The following CRPPA variants were observed in gnomAD, a reference collection of about 807,000 sequenced individuals.
CRPPA encodes CDP-L-ribitol pyrophosphorylase A, also known as D-ribitol-5-phosphate cytidylyltransferase.
Under a neutral mutation model 52.0 loss-of-function variants are expected in CRPPA, and 43 were observed. That is an observed-to-expected ratio of 0.83 (90% CI 0.65 to 1.07). The LOEUF is 1.07. Among genes scored for constraint, CRPPA ranks in the 50% least tolerant of loss-of-function variants. CRPPA has a pLI of 0.00. For synonymous variants in CRPPA, 250 were observed against 203.5 expected, an observed-to-expected ratio of 1.23 and a Z score of -1.94; for missense variants, 629 against 551.7, an observed-to-expected ratio of 1.14 and a Z score of -1.40.
At chr7:16,397,278 G>A (rs533068502) in intron 2 of CRPPA, among the ~76,000 whole-genome samples, 3 of 152,286 alleles carry the variant, frequency 2.0e-5, no homozygotes, top group African/African-American at 7.2e-5. Flanking sequence ...ACATGAGGGT[G>A]ACACAATTGT....
intron 3 of CRPPA, among the ~76,000 whole-genome samples, chr7:16,365,918 G>A (rs929069659): frequency 2.0e-5 from 3 of 152,120 alleles, no homozygotes; most frequent in African/African-American, 7.2e-5. Flanking sequence ...ACACCCAGAA[G>A]ACAGTGGACA....
At chr7:16,116,649 AGACTCGGTCG>A (rs1782377826) in intron 9 of CRPPA, among the ~76,000 whole-genome samples, 2 of 149,232 alleles carry the variant, frequency 1.3e-5, no homozygotes, top group Non-Finnish European at 3.0e-5. Flanking sequence ...CAATACAGCG[AGACTCGGTCG>A]AAAAAAAAAA....
chr7:16,241,971 T>TTTTG (rs1783123848), intron 8 of CRPPA, among the ~76,000 whole-genome samples: 5 of 86,158 alleles, frequency 5.8e-5, no homozygotes, highest in Non-Finnish European at 7.5e-5. Context: ...TTTTTTTTGT[T>TTTTG]GGGGGGAGAT....
intron 3 of CRPPA, among the ~76,000 whole-genome samples, chr7:16,345,821 G>A (rs1786000336): frequency 6.6e-6 from 1 of 152,082 alleles, no homozygotes; most frequent in Non-Finnish European, 1.5e-5. Context: ...TAAAAGTATA[G>A]AAATCTGCTG....
chr7:16,374,329 C>T lies in CRPPA; in HGVS notation c.684+1763G>A, dbSNP rs73306457. Among the ~76,000 whole-genome samples the T allele has an allele frequency of 2.9e-3, 442 of 152,266 alleles. 1 individual carries two copies. Among genetic ancestry groups the T allele is most frequent in the African/African-American group, 0.01 (427 of 41,548 alleles). ...CTTGGACATCAGACAACAGGCTCTT[C>T]AGCCTTTGAAGGCTGCACTCTCAAC... On this transcript the variant is annotated intron_variant, in intron 3 of 9. Transcript: ENST00000407010.
chr7:16,150,987 T>C (rs1386270225), intron 9 of CRPPA, among the ~76,000 whole-genome samples: 2 of 152,228 alleles, frequency 1.3e-5, no homozygotes, highest in South Asian at 4.1e-4. Context: ...CTCCCAATGC[T>C]GTTGCATTGA....
intron 8 of CRPPA, among the ~76,000 whole-genome samples, chr7:16,241,163 A>T (rs115432940): frequency 7.0e-4 from 107 of 152,278 alleles, no homozygotes; most frequent in Non-Finnish European, 1.4e-3. Context: ...ATGTGAAAAT[A>T]TCAAGTGTAA....
intron 8 of CRPPA, among the ~76,000 whole-genome samples, chr7:16,227,230 T>G (rs1782675467): frequency 6.6e-6 from 1 of 151,968 alleles, no homozygotes; most frequent in Non-Finnish European, 1.5e-5. Flanking sequence ...AATAATGATT[T>G]CATTTCCTTT....
intron 5 of CRPPA, among the ~76,000 whole-genome samples, chr7:16,285,115 T>G (rs2128419308): frequency 6.6e-6 from 1 of 152,206 alleles, no homozygotes; most frequent in South Asian, 2.1e-4. Context: ...GTTAATGAAA[T>G]CAAAACAAAA....
At chr7:16,202,203 G>A (rs1781875872) in intron 9 of CRPPA, among the ~76,000 whole-genome samples, 1 of 152,106 alleles carries the variant, frequency 6.6e-6, no homozygotes, top group Non-Finnish European at 1.5e-5. Flanking sequence ...TTGTACTCAT[G>A]TTTATGAATG....
At chr7:16,187,893 T>C (rs982513571) in intron 9 of CRPPA, among the ~76,000 whole-genome samples, 9 of 151,924 alleles carry the variant, frequency 5.9e-5, no homozygotes, top group Non-Finnish European at 8.8e-5. Flanking sequence ...AAACAGAGAA[T>C]TACATTGATG....
chr7:16,198,657 C>T (rs967061880), intron 9 of CRPPA, among the ~76,000 whole-genome samples: 2 of 148,780 alleles, frequency 1.3e-5, no homozygotes, highest in Non-Finnish European at 2.9e-5. Context: ...ACGAGAAACA[C>T]CCACAGGTGT....
At chr7:16,106,449 A>G (rs547188123) in intron 9 of CRPPA, among the ~76,000 whole-genome samples, 39 of 152,310 alleles carry the variant, frequency 2.6e-4, no homozygotes, top group African/African-American at 8.4e-4. Context: ...TACAGTATCC[A>G]GCCAGAAACT....
At chr7:16,244,800 C>A (rs1032273752) in intron 8 of CRPPA, among the ~76,000 whole-genome samples, 1 of 152,120 alleles carries the variant, frequency 6.6e-6, no homozygotes, top group South Asian at 2.1e-4. Flanking sequence ...AGAAAAAGAA[C>A]CGTTGTAAAC....
intron 9 of CRPPA, among the ~76,000 whole-genome samples, chr7:16,125,258 A>G (rs973922259): frequency 5.4e-5 from 1 of 18,356 alleles, no homozygotes; most frequent in Non-Finnish European, 2.3e-4. Context: ...AGACTGTCTC[A>G]AAAAAAAAAA....
intron 9 of CRPPA, among the ~76,000 whole-genome samples, chr7:16,094,952 C>A (rs1781907974): frequency 2.0e-5 from 3 of 152,190 alleles, no homozygotes; most frequent in Admixed American, 2.0e-4. Flanking sequence ...CAGAAAAACA[C>A]ATTAGGTAGA....
chr7:16,192,095 A>G (rs1781626716), intron 9 of CRPPA, among the ~76,000 whole-genome samples: 1 of 152,080 alleles, frequency 6.6e-6, no homozygotes, highest in Admixed American at 6.6e-5. Flanking sequence ...AGAGTGGTTC[A>G]AAAAACAAGT....
chr7:16,178,154 TAG>T (rs1478565800), intron 9 of CRPPA, among the ~76,000 whole-genome samples: 1 of 152,054 alleles, frequency 6.6e-6, no homozygotes, highest in Non-Finnish European at 1.5e-5. Context: ...TCCTGATTGA[TAG>T]AGAGTTCTGG....
rs955915887 is a variant in CRPPA at position 16,373,788 on chromosome 7, G to C, written c.684+2304C>G. ...AGAGCATATATAAGGGGGCAAATGA[G>C]ATAAGCCAGAAGAAACAGGGAGAAG... On this transcript the variant is annotated intron_variant, in intron 3 of 9. Coordinates refer to ENST00000407010, the MANE Select transcript of CRPPA (RefSeq NM_001101426.4). Among the ~76,000 whole-genome samples the C allele has an allele frequency of 2.6e-5, 4 of 152,292 alleles. No homozygotes were observed. The South Asian group carries it at 6.2e-4, about 24-fold the overall frequency.
Sources: allele counts gnomAD v4.1 joint callset (sites outside exome capture counted in the v4.1 genomes callset), GRCh38; gene constraint gnomAD v4.1.1; transcripts MANE v1.5; gene names NCBI Gene and HGNC (gene_info 2026-07-23, HGNC 2026-07-21).